The following USH1C variants were observed in gnomAD, a reference collection of about 807,000 sequenced individuals.
USH1C encodes the protein harmonin.
USH1C carries 90 observed loss-of-function variants against 119.3 expected under a neutral mutation model. The ratio of observed to expected loss-of-function variants is 0.75; its 90% confidence interval spans 0.64 to 0.90. The LOEUF (loss-of-function observed/expected upper bound fraction) is 0.90. USH1C is among the 40% of genes least tolerant of loss of function. USH1C has a pLI of 0.00. For missense variants in USH1C, 1,165 were observed against 1,167.7 expected, an observed-to-expected ratio of 1.00 and a Z score of 0.03; for synonymous variants, 465 against 443.3, an observed-to-expected ratio of 1.05 and a Z score of -0.62.
chr11:17,520,353 C>T (rs569106420), intron 14 of USH1C, among the ~76,000 whole-genome samples: 2 of 152,238 alleles, frequency 1.3e-5, no homozygotes, highest in South Asian at 4.2e-4. Context: ...TTGTCCTGTT[C>T]CTGCCTCCAT....
chr11:17,510,975 C>T (rs766226948), intron 16 of USH1C, among the ~76,000 whole-genome samples: 1 of 152,126 alleles, frequency 6.6e-6, no homozygotes, highest in Non-Finnish European at 1.5e-5. Context: ...AATGTCAGAC[C>T]TAATGCATTT....
Position 17,500,930 on chromosome 11 carries a change from T to C in USH1C, c.2380+121A>G, listed in dbSNP as rs1849412560. The C allele has an allele frequency of 1.6e-5, 13 of 813,790 alleles. No individual in the cohort carries two copies. The South Asian group carries it at 1.9e-4, about 12-fold the overall frequency. The allele number at this position is 813,790 out of a possible 1,614,324, so 50.4% of individuals were successfully genotyped here. ...AGGCAGTCGGATGGATGGACCCGAG[T>C]GGGAGGGCATTCTCCAGCAACCGTC... On this transcript the variant is annotated intron_variant, in intron 23 of 26. Transcript: ENST00000005226.
chr11:17,533,303 T>C lies in USH1C; in HGVS notation c.56A>G (p.Asn19Ser). 1 of 1,613,410 alleles carries C rather than the reference T, an allele frequency of 6.2e-7. No individual in the cohort carries two copies. The highest frequency in any genetic ancestry group is 8.5e-7 in the Non-Finnish European group (1 of 1,179,520). Reference protein sequence around the residue: ...FRHKVDFLIENDAEKDYLYDV... With the variant: ...FRHKVDFLIESDAEKDYLYDV... ...ATAGAGATAGTCCTTCTCTGCATCATTTTCAATCAGAAAATCCACCTGGAA... is the reference window on the plus strand; with the variant it reads ...ATAGAGATAGTCCTTCTCTGCATCACTTTCAATCAGAAAATCCACCTGGAA... Residue 19 changes from asparagine (N) to serine (S), a missense_variant, in exon 2 of 27, where the codon AAT (asparagine) becomes AGT (serine). Asn to Ser is a conservative substitution (Grantham distance 46, BLOSUM62 1). Transcript: ENST00000005226.
intron 26 of USH1C, 84 bp from the exon 27 acceptor site, chr11:17,494,460 G>A (rs1048107153): frequency 1.4e-6 from 2 of 1,474,198 alleles, no homozygotes; most frequent in Admixed American, 3.9e-5. Flanking sequence ...CCCACAAGGG[G>A]GAGTACCCAC....
In USH1C at chr11:17,509,422, T is replaced by C; in HGVS notation, c.1947A>G (p.Ala649=). Residue 649 remains alanine (A), a synonymous_variant, in exon 18 of 27, where the codon GCA becomes GCG. Coordinates refer to ENST00000005226, the MANE Select transcript of USH1C (RefSeq NM_153676.4). Reference sequence around the variant, plus strand: ...TAGTGGGCTTCCCACTGTGGTTCTTTGCCTCCCAGTCCTCCACTGGATTGC... The same window carrying C: ...TAGTGGGCTTCCCACTGTGGTTCTTCGCCTCCCAGTCCTCCACTGGATTGC... ...DTGNPVEDWE[A]KNHSGKPTNS... The C allele has an allele frequency of 6.2e-7, 1 of 1,606,878 alleles. No individual in the cohort carries two copies. Among genetic ancestry groups the C allele is most frequent in the Non-Finnish European group, 8.5e-7 (1 of 1,175,020 alleles).
intron 19 of USH1C, 95 bp from the exon 20 acceptor site, chr11:17,504,792 C>G: frequency 7.5e-7 from 1 of 1,340,744 alleles, no homozygotes; most frequent in Non-Finnish European, 1.1e-6. Flanking sequence ...CAGTCTGGGG[C>G]TGCCGTGCCA....
intron 1 of USH1C, among the ~76,000 whole-genome samples, chr11:17,541,119 A>G (rs1198230168): frequency 6.6e-6 from 1 of 152,078 alleles, no homozygotes; most frequent in African/African-American, 2.4e-5. Context: ...CACTTCTTCT[A>G]GGTCTCTGCT....
intron 18 of USH1C, 111 bp from the exon 19 acceptor site, chr11:17,506,060 G>T: frequency 6.6e-7 from 1 of 1,516,878 alleles, no homozygotes; most frequent in African/African-American, 1.4e-5. Context: ...TGTGAAGCCA[G>T]CCTGGTCATT....
At chr11:17,528,299 G>A (rs1029787632) in intron 4 of USH1C, among the ~76,000 whole-genome samples, 5 of 152,214 alleles carry the variant, frequency 3.3e-5, no homozygotes, top group Admixed American at 6.5e-5. Flanking sequence ...ATACAGAGCC[G>A]TGGTGAGATT....
chr11:17,529,471 C>A (rs947494129), intron 4 of USH1C, among the ~76,000 whole-genome samples: 1 of 152,240 alleles, frequency 6.6e-6, no homozygotes, highest in African/African-American at 2.4e-5. Flanking sequence ...TCATCCCCTG[C>A]CTTCCAGCAT....
chr11:17,526,699 C>T (rs1850692065), intron 7 of USH1C, 54 bp downstream of exon 7: 1 of 1,580,410 alleles, frequency 6.3e-7, no homozygotes. Flanking sequence ...GACCGGCCAC[C>T]CCTCCTTGAA....
intron 1 of USH1C, among the ~76,000 whole-genome samples, chr11:17,537,907 A>G (rs1054777568): frequency 1.4e-4 from 22 of 152,232 alleles, no homozygotes; most frequent in African/African-American, 4.8e-4. Context: ...GAGAAGTGAC[A>G]GAATTGAGAC....
Position 17,509,719 on chromosome 11 carries a change from C to G in USH1C, c.1650G>C (p.Met550Ile), listed in dbSNP as rs755638927. The G allele has an allele frequency of 6.2e-7, 1 of 1,601,124 alleles. No homozygotes were observed. Among genetic ancestry groups the G allele is most frequent in the Non-Finnish European group, 8.5e-7 (1 of 1,179,536 alleles). The change falls in exon 18 of 27, where the codon ATG becomes ATC. Residue 550 changes from methionine (M) to isoleucine (I), a missense_variant. Met to Ile is a conservative substitution (Grantham distance 10, BLOSUM62 1). Coordinates refer to ENST00000005226, the MANE Select transcript of USH1C (RefSeq NM_153676.4). Reference protein sequence around the residue: ...TTDLDDIPLDMFYYPPKTPSA... With the variant: ...TTDLDDIPLDIFYYPPKTPSA... Reference sequence around the variant, plus strand: ...AGGGAGTCTTGGGGGGATAGTAGAACATGTCCAAAGGGATGTCGTCCAGGT... The same window carrying G: ...AGGGAGTCTTGGGGGGATAGTAGAAGATGTCCAAAGGGATGTCGTCCAGGT...
intron 1 of USH1C, among the ~76,000 whole-genome samples, chr11:17,536,904 T>C (rs1851252687): frequency 6.6e-6 from 1 of 152,224 alleles, no homozygotes; most frequent in Non-Finnish European, 1.5e-5. Flanking sequence ...ATCTAAGTGA[T>C]AGATCATCAA....
At chr11:17,533,610 A>C in intron 1 of USH1C, 15 of 545,810 alleles carry the variant, frequency 2.7e-5, no homozygotes, top group Admixed American at 4.6e-5. Flanking sequence ...ATGAACACAC[A>C]TAGGTACATA....
intron 15 of USH1C, 64 bp from the exon 16 acceptor site, chr11:17,512,118 G>A (rs1459728018): frequency 5.8e-6 from 9 of 1,561,070 alleles, no homozygotes; most frequent in Admixed American, 5.0e-5. Flanking sequence ...CACAGCACAC[G>A]GGGCATCCAG....
chr11:17,521,953 C>T (rs1391735720), intron 12 of USH1C, among the ~76,000 whole-genome samples: 11 of 152,144 alleles, frequency 7.2e-5, no homozygotes, highest in African/African-American at 2.4e-4. Context: ...CTCAGCCTCC[C>T]GAGAAGCTGG....
intron 14 of USH1C, among the ~76,000 whole-genome samples, chr11:17,517,982 G>C (rs1850231887): frequency 6.6e-6 from 1 of 152,214 alleles, no homozygotes; most frequent in African/African-American, 2.4e-5. Context: ...GGTAAAAGGG[G>C]TACATGCAGT....
chr11:17,526,846 G>C, intron 6 of USH1C, 36 bp from the exon 7 acceptor site: 1 of 1,593,584 alleles, frequency 6.3e-7, no homozygotes, highest in Non-Finnish European at 8.5e-7. Context: ...AGGGTGGTTA[G>C]CGAGAGACGT....
Sources: gnomAD v4.1 joint callset for allele counts (sites outside exome capture counted in the v4.1 genomes callset) on GRCh38, gnomAD v4.1.1 for gene constraint, MANE v1.5 for transcripts, NCBI Gene and HGNC (gene_info 2026-07-23, HGNC 2026-07-21) for gene names.